The following CTNND2 variants were observed in gnomAD, a reference collection of about 807,000 sequenced individuals.
The protein encoded by CTNND2 is catenin delta 2.
A neutral mutation model predicts 144.4 loss-of-function variants in CTNND2; 22 were observed. The ratio of observed to expected loss-of-function variants is 0.15; its 90% CI spans 0.11 to 0.22. CTNND2 has a LOEUF of 0.22. Among genes scored for constraint, CTNND2 ranks in the 10% least tolerant of loss-of-function variants. The pLI, the probability that CTNND2 is intolerant of heterozygous loss-of-function variation, is 1.00. For synonymous variants in CTNND2, 751 were observed against 695.6 expected (o/e 1.08, Z -1.25); for missense variants, 1,353 against 1,618.8 (o/e 0.84, Z 2.82).
chr5:11,553,351 C>T (rs568293749), intron 3 of CTNND2, among the ~76,000 whole-genome samples: 1 of 152,264 alleles, frequency 6.6e-6, no homozygotes, highest in Admixed American at 6.5e-5. Flanking sequence ...TCTGATACAT[C>T]TTTTTAGCCC....
At chr5:11,830,304 G>T (rs1793825721) in intron 1 of CTNND2, among the ~76,000 whole-genome samples, 1 of 152,138 alleles carries the variant, frequency 6.6e-6, no homozygotes, top group Admixed American at 6.5e-5. Context: ...GGAGGGGCCA[G>T]GGGCAGAATG....
At chr5:11,881,004 TACC>T (rs1380538199) in intron 1 of CTNND2, among the ~76,000 whole-genome samples, 1 of 147,766 alleles carries the variant, frequency 6.8e-6, no homozygotes, top group African/African-American at 2.5e-5. Context: ...CTAGTACTAC[TACC>T]ACCACTACTA....
rs564924415 is a variant in CTNND2, at chr5:11,475,495, C to A, written c.288-63426G>T. Among the ~76,000 whole-genome samples the A allele has an allele frequency of 1.6e-3, 247 of 152,272 alleles. 1 individual carries two copies. Among genetic ancestry groups the A allele is most frequent in the African/African-American group, 5.6e-3 (232 of 41,562 alleles). On this transcript the variant is annotated intron_variant, in intron 3 of 21. Coordinates refer to ENST00000304623, the MANE Select transcript of CTNND2 (RefSeq NM_001332.4). ...AAACACTTCATTAGACTCTTGCTCT[C>A]AAGGAATTTAGGGAAATCACACATA...
chr5:11,319,346 A>G (rs974524533), intron 9 of CTNND2, among the ~76,000 whole-genome samples: 16 of 152,212 alleles, frequency 1.1e-4, no homozygotes, highest in Non-Finnish European at 4.4e-5. Context: ...AGACCTACAC[A>G]ATAATTTTGT....
intron 1 of CTNND2, among the ~76,000 whole-genome samples, chr5:11,775,260 C>G (rs1200629262): frequency 6.6e-6 from 1 of 152,148 alleles, no homozygotes. Context: ...AGGACTTGGG[C>G]ATTTGAATTG....
At chr5:11,344,127 G>A (rs894863404) in intron 9 of CTNND2, among the ~76,000 whole-genome samples, 4 of 152,160 alleles carry the variant, frequency 2.6e-5, no homozygotes, top group South Asian at 2.1e-4. Flanking sequence ...ACATGTTGCC[G>A]GGCGCGGTGG....
chr5:11,635,685 T>C (rs1781649041), intron 2 of CTNND2, among the ~76,000 whole-genome samples: 2 of 152,170 alleles, frequency 1.3e-5, no homozygotes, highest in South Asian at 4.1e-4. Context: ...CTATAGTAAA[T>C]CAGTCCTGAA....
intron 2 of CTNND2, among the ~76,000 whole-genome samples, chr5:11,700,380 AC>A (rs1785373217): frequency 6.6e-6 from 1 of 152,102 alleles, no homozygotes; most frequent in African/African-American, 2.4e-5. Context: ...ACAGAGTGAG[AC>A]TCCATCTCCA....
chr5:11,822,531 G>T (rs568767832), intron 1 of CTNND2, among the ~76,000 whole-genome samples: 1 of 151,870 alleles, frequency 6.6e-6, no homozygotes, highest in African/African-American at 2.4e-5. Context: ...TGGTATTCAC[G>T]GTCTTCTCCT....
chr5:11,043,132 T>C (rs1744860662), intron 16 of CTNND2, among the ~76,000 whole-genome samples: 1 of 152,100 alleles, frequency 6.6e-6, no homozygotes, highest in Non-Finnish European at 1.5e-5. Context: ...TTTTGTATTT[T>C]TATAGTACAC....
intron 16 of CTNND2, among the ~76,000 whole-genome samples, chr5:11,053,922 T>C (rs1746094980): frequency 6.6e-6 from 1 of 152,212 alleles, no homozygotes; most frequent in Non-Finnish European, 1.5e-5. Flanking sequence ...GAAAACCTTG[T>C]TGAAAGGAGT....
At position 11,903,974 on chromosome 5, in the gene CTNND2, C is replaced by G; in HGVS notation, c.-121G>C. On this transcript the variant is annotated 5_prime_UTR_variant, in exon 1 of 22. Coordinates refer to ENST00000304623, the MANE Select transcript of CTNND2 (RefSeq NM_001332.4). The surrounding 1 kb of genome is among the most constrained non-coding windows in gnomAD (Gnocchi z 5.4). ...ATCTTCCGCTTTTGTTGTCTGAGCGCGGCCGCGGGACAAGGGATGCTGGCG... is the reference window on the plus strand; with the variant it reads ...ATCTTCCGCTTTTGTTGTCTGAGCGGGGCCGCGGGACAAGGGATGCTGGCG... 1 of 1,182,906 alleles carries G rather than the reference C, an allele frequency of 8.5e-7. No individual in the cohort carries two copies. The highest frequency in any genetic ancestry group is 1.1e-6 in the Non-Finnish European group (1 of 930,470). 73.3% of individuals were successfully genotyped at this position (1,182,906 alleles called of 1,614,324 possible). A position where few individuals can be genotyped will look rare whatever the true frequency, so the allele number is the denominator to read the frequency against.
chr5:11,143,144 C>T (rs1348723103), intron 12 of CTNND2, among the ~76,000 whole-genome samples: 1 of 152,176 alleles, frequency 6.6e-6, no homozygotes, highest in Non-Finnish European at 1.5e-5. Flanking sequence ...CACCTAATGT[C>T]ATGCACAGAG....
Position 11,384,641 on chromosome 5 carries a change from C to T in CTNND2, c.1177+24G>A, listed in dbSNP as rs911308415. 12 of 1,584,120 alleles carry T rather than the reference C, an allele frequency of 7.6e-6. No homozygotes were observed. The highest frequency in any genetic ancestry group is 1.1e-5 in the South Asian group (1 of 88,612). ...CCCCGCCACGCGCCCAGGTGAGTCGCGCCAGGTGGCAGCGAGCCTTTACCT... is the reference window on the plus strand; with the variant it reads ...CCCCGCCACGCGCCCAGGTGAGTCGTGCCAGGTGGCAGCGAGCCTTTACCT... On this transcript the variant is annotated intron_variant, in intron 7 of 21. Transcript: ENST00000304623. This position sits in a 1 kb window ranked among gnomAD's most constrained non-coding sequence, Gnocchi z 5.2.
At chr5:11,127,752 G>A (rs779900083) in intron 12 of CTNND2, among the ~76,000 whole-genome samples, 2 of 151,388 alleles carry the variant, frequency 1.3e-5, no homozygotes, top group African/African-American at 2.4e-5. Context: ...ACGGAGAGAA[G>A]TTCTTCCCCA....
At chr5:11,024,465 A>G (rs1231325007) in intron 16 of CTNND2, among the ~76,000 whole-genome samples, 1 of 152,238 alleles carries the variant, frequency 6.6e-6, no homozygotes, top group African/African-American at 2.4e-5. Context: ...CGTAGGGCTC[A>G]GCATGCTGGA....
chr5:11,035,898 T>G (rs1162027699), intron 16 of CTNND2, among the ~76,000 whole-genome samples: 1 of 151,850 alleles, frequency 6.6e-6, no homozygotes, highest in Non-Finnish European at 1.5e-5. Context: ...TTTATAAAGT[T>G]TGTGTAATTT....
At chr5:11,770,957 G>C (rs1789899998) in intron 1 of CTNND2, among the ~76,000 whole-genome samples, 1 of 152,026 alleles carries the variant, frequency 6.6e-6, no homozygotes, top group African/African-American at 2.4e-5. Flanking sequence ...CCTCTTCTTG[G>C]TTATGAGAAA....
At chr5:11,533,270 G>C (rs75445007) in intron 3 of CTNND2, among the ~76,000 whole-genome samples, 2,995 of 152,320 alleles carry the variant, frequency 0.02, 101 homozygotes, top group African/African-American at 0.069. Context: ...ATGATAGCCT[G>C]TGCTTATTTT....
Sources: allele counts gnomAD v4.1 joint callset (sites outside exome capture counted in the v4.1 genomes callset), GRCh38; gene constraint gnomAD v4.1.1; non-coding constraint Gnocchi (gnomAD v3.1); transcripts MANE v1.5; gene names NCBI Gene and HGNC (gene_info 2026-07-23, HGNC 2026-07-21).